Variants in PEX5L observed in about 807,000 individuals in gnomAD.
PEX5L encodes peroxisomal biogenesis factor 5 like.
Under a neutral mutation model 84.0 loss-of-function variants are expected in PEX5L, and 30 were observed. That is an observed-to-expected ratio of 0.36 (90% confidence interval 0.27 to 0.48). The LOEUF is 0.48. Ranked by LOEUF, PEX5L falls within the 20% of genes least tolerant of loss-of-function variation. The probability of loss-of-function intolerance (pLI) is 0.99; values close to 1 mark genes in which losing one functional copy is unlikely to be tolerated. For missense variants in PEX5L, 533 were observed against 754.6 expected (o/e 0.71, Z 3.44); for synonymous variants, 270 against 283.1 (o/e 0.95, Z 0.46).
intron 1 of PEX5L, among the ~76,000 whole-genome samples, chr3:180,020,073 C>T (rs1377334482): frequency 6.6e-6 from 1 of 152,060 alleles, no homozygotes. Context: ...AACATCTCAT[C>T]GAAAATTTCC....
intron 2 of PEX5L, among the ~76,000 whole-genome samples, chr3:179,921,129 A>G (rs1769233552): frequency 6.6e-6 from 1 of 152,154 alleles, no homozygotes; most frequent in Non-Finnish European, 1.5e-5. Context: ...AAAAGGTGGT[A>G]CTTGGTAACA....
rs1337940573 is a variant in PEX5L at position 179,880,331 on chromosome 3, A to G, written c.311-208T>C. 3.3e-5 allele frequency among the ~76,000 whole-genome samples: 5 copies of G among 152,314 alleles called. No individual in the cohort carries two copies. The East Asian group carries it at 9.6e-4, about 29-fold the overall frequency. ...TATAGTTGGTATGGCACAAATTGGT[A>G]AGAAAGGACTTAGACCAGCCTCAGC... is the stretch of plus-strand genomic sequence containing the variant. On this transcript the variant is annotated intron_variant, in intron 4 of 14. Transcript: ENST00000467460.
At chr3:180,019,298 A>C (rs537431845) in intron 1 of PEX5L, among the ~76,000 whole-genome samples, 2 of 152,344 alleles carry the variant, frequency 1.3e-5, no homozygotes, top group South Asian at 4.1e-4. Flanking sequence ...TACTTAAAGA[A>C]TGCATATATA....
At chr3:179,830,337 G>A (rs1450924403) in intron 8 of PEX5L, among the ~76,000 whole-genome samples, 2 of 129,994 alleles carry the variant, frequency 1.5e-5, no homozygotes, top group African/African-American at 6.0e-5. Context: ...TTGACCAAAT[G>A]TAAAGACAAA....
intron 1 of PEX5L, among the ~76,000 whole-genome samples, chr3:179,995,130 CTA>C (rs1787760332): frequency 6.9e-6 from 1 of 145,714 alleles, no homozygotes; most frequent in South Asian, 2.1e-4. Context: ...TATATATACA[CTA>C]TATATACACA....
At chr3:180,014,458 C>G (rs1414641427) in intron 1 of PEX5L, among the ~76,000 whole-genome samples, 1 of 147,540 alleles carries the variant, frequency 6.8e-6, no homozygotes. Flanking sequence ...GGTGACAGAG[C>G]GAGACTCCGA....
At chr3:179,947,166 G>A (rs1777784617) in intron 2 of PEX5L, among the ~76,000 whole-genome samples, 1 of 152,136 alleles carries the variant, frequency 6.6e-6, no homozygotes, top group Non-Finnish European at 1.5e-5. Context: ...CAGTTCCACA[G>A]ACTATGTGTT....
chr3:179,942,012 C>G (rs1776247327), intron 2 of PEX5L, among the ~76,000 whole-genome samples: 3 of 87,314 alleles, frequency 3.4e-5, no homozygotes, highest in African/African-American at 1.3e-4. Flanking sequence ...CAGAGTGAGA[C>G]TCCTCAAAAA....
intron 2 of PEX5L, among the ~76,000 whole-genome samples, chr3:179,958,452 G>A (rs896591399): frequency 6.6e-6 from 1 of 152,150 alleles, no homozygotes; most frequent in East Asian, 1.9e-4. Context: ...GTTGTTGGGA[G>A]GATTAAATGA....
chr3:179,868,051 T>TC (rs1171801498), intron 7 of PEX5L, among the ~76,000 whole-genome samples: 12 of 147,594 alleles, frequency 8.1e-5, no homozygotes, highest in African/African-American at 2.7e-4. Context: ...TCTTTTTTTT[T>TC]TTTTTTTTTT....
In PEX5L at chr3:179,997,627, C is replaced by T. The variant is rs139379334; in HGVS notation, c.22-25962G>A. On this transcript the variant is annotated intron_variant, in intron 1 of 14. Coordinates refer to ENST00000467460, the MANE Select transcript of PEX5L (RefSeq NM_016559.3). ...AGGGGTGGTAATTCCCACCACATCC[C>T]CATTCAACTCTCCCATTTGGCCTGT... 4.2e-3 allele frequency among the ~76,000 whole-genome samples: 645 copies of T among 152,334 alleles called. 11 individuals carry two copies. The highest frequency in any genetic ancestry group is 0.015 in the African/African-American group (618 of 41,576).
At chr3:179,930,017 T>G (rs546911946) in intron 2 of PEX5L, among the ~76,000 whole-genome samples, 59 of 152,294 alleles carry the variant, frequency 3.9e-4, no homozygotes, top group Middle Eastern at 3.4e-3. Flanking sequence ...CTGTTTTGTA[T>G]GTATTTTTCA....
intron 1 of PEX5L, among the ~76,000 whole-genome samples, chr3:179,988,049 T>A (rs1214979721): frequency 2.0e-5 from 3 of 152,136 alleles, no homozygotes; most frequent in African/African-American, 7.2e-5. Context: ...ACATTGTTAA[T>A]CCTATGATTT....
chr3:180,020,533 G>C (rs1790338587), intron 1 of PEX5L, among the ~76,000 whole-genome samples: 1 of 152,024 alleles, frequency 6.6e-6, no homozygotes, highest in Admixed American at 6.6e-5. Flanking sequence ...AAAAGCTTCA[G>C]ATTCTACCAG....
intron 2 of PEX5L, among the ~76,000 whole-genome samples, chr3:179,957,788 C>T (rs1402947070): frequency 6.6e-6 from 1 of 152,148 alleles, no homozygotes; most frequent in Non-Finnish European, 1.5e-5. Flanking sequence ...GACACAAGCA[C>T]TTGAAACATA....
At chr3:179,940,825 C>A (rs527474778) in intron 2 of PEX5L, among the ~76,000 whole-genome samples, 47 of 152,138 alleles carry the variant, frequency 3.1e-4, no homozygotes, top group Non-Finnish European at 5.1e-4. Flanking sequence ...CCATTTTAGT[C>A]CAAAATAAGG....
chr3:179,802,071 T>C (rs1264585936), intron 14 of PEX5L, 39 bp from the exon 15 acceptor site: 1 of 1,407,774 alleles, frequency 7.1e-7, no homozygotes, highest in Admixed American at 1.7e-5. Flanking sequence ...ATGAGTCACA[T>C]TTCAGAGTTA....
chr3:179,885,040 C>T (rs1180126506), intron 4 of PEX5L, among the ~76,000 whole-genome samples: 4 of 151,660 alleles, frequency 2.6e-5, no homozygotes, highest in African/African-American at 9.7e-5. Context: ...AATATTTTTG[C>T]CTTGAGATAT....
At chr3:179,921,028 G>A (rs1360557284) in intron 2 of PEX5L, among the ~76,000 whole-genome samples, 1 of 152,034 alleles carries the variant, frequency 6.6e-6, no homozygotes, top group Non-Finnish European at 1.5e-5. Flanking sequence ...CAATTACACA[G>A]TTTTTTGGTT....
Sources: allele counts gnomAD v4.1 joint callset (sites outside exome capture counted in the v4.1 genomes callset), GRCh38; gene constraint gnomAD v4.1.1; transcripts MANE v1.5; gene names NCBI Gene and HGNC (gene_info 2026-07-23, HGNC 2026-07-21).